The following GPHN variants were observed in gnomAD, a reference collection of about 807,000 sequenced individuals.
The protein encoded by GPHN is gephyrin.
In GPHN, 17 loss-of-function variants were observed where a neutral mutation model predicts 95.5. That is an observed-to-expected ratio of 0.18 (90% CI 0.12 to 0.27). The LOEUF (loss-of-function observed/expected upper bound fraction) is 0.27. Ranked by LOEUF, GPHN falls within the 10% of genes least tolerant of loss-of-function variation. The probability of loss-of-function intolerance (pLI) is 1.00; values close to 1 mark genes in which losing one functional copy is unlikely to be tolerated. For missense variants in GPHN, 660 were observed against 978.1 expected (o/e 0.67, Z 4.34); for synonymous variants, 320 against 322.5 (o/e 0.99, Z 0.08).
chr14:67,118,618 C>G (rs2078828662), intron 16 of GPHN, among the ~76,000 whole-genome samples: 1 of 151,960 alleles, frequency 6.6e-6, no homozygotes, highest in Admixed American at 6.6e-5. Context: ...ATCCCAGCTA[C>G]TCGGGAGGCT....
the GPHN span, chr14:67,448,040 T>C: frequency 4.0e-5 from 6 of 151,176 alleles, no homozygotes; most frequent in Admixed American, 4.0e-4. Context: ...CCATCAAATT[T>C]TGCATGAGAA....
intron 8 of GPHN, among the ~76,000 whole-genome samples, chr14:66,955,060 G>A (rs2068394048): frequency 6.6e-6 from 1 of 152,122 alleles, no homozygotes; most frequent in African/African-American, 2.4e-5. Context: ...AAGGATATTA[G>A]CCTGTAGTTT....
chr14:67,046,362 G>A (rs2075016738), intron 10 of GPHN, among the ~76,000 whole-genome samples: 1 of 152,066 alleles, frequency 6.6e-6, no homozygotes, highest in Non-Finnish European at 1.5e-5. Context: ...ACTCTAGGCA[G>A]AAACAGCATC....
At chr14:67,726,043 C>T in the GPHN span, 22 of 1,596,444 alleles carry the variant, frequency 1.4e-5, no homozygotes, top group South Asian at 1.9e-4. Context: ...TTTGGTTGTG[C>T]CCTATAGAGG....
chr14:67,044,355 A>C (rs190268971), intron 10 of GPHN, among the ~76,000 whole-genome samples: 1 of 152,236 alleles, frequency 6.6e-6, no homozygotes, highest in East Asian at 1.9e-4. Flanking sequence ...AACAAAAAAT[A>C]AACAATAATA....
chr14:67,194,782 C>G, the GPHN span, among the ~76,000 whole-genome samples: 3 of 152,174 alleles, frequency 2.0e-5, no homozygotes, highest in Non-Finnish European at 4.4e-5. Flanking sequence ...CTCAGTCTCT[C>G]GAGTAGCTGG....
the GPHN span, chr14:67,411,936 G>A: frequency 1.6e-6 from 2 of 1,289,342 alleles, no homozygotes; most frequent in East Asian, 5.9e-5. Flanking sequence ...CCCGTTCCGG[G>A]GCGCGCGTCT....
intron 11 of GPHN, among the ~76,000 whole-genome samples, chr14:67,083,038 G>C (rs2076751713): frequency 6.6e-6 from 1 of 152,176 alleles, no homozygotes; most frequent in South Asian, 2.1e-4. Context: ...TAAAAGTAAA[G>C]ACTGTTCTGG....
chr14:66,691,643 A>G (rs1305762023), intron 2 of GPHN, among the ~76,000 whole-genome samples: 1 of 152,228 alleles, frequency 6.6e-6, no homozygotes, highest in Non-Finnish European at 1.5e-5. Flanking sequence ...AGCAGAGATG[A>G]TAAGTTGTAA....
intron 5 of GPHN, among the ~76,000 whole-genome samples, chr14:66,908,806 A>G (rs1199961286): frequency 1.3e-5 from 2 of 151,912 alleles, no homozygotes; most frequent in African/African-American, 4.8e-5. Flanking sequence ...TAATCTTATC[A>G]TCAGAAAATA....
the GPHN span, chr14:67,294,471 G>T: frequency 6.6e-6 from 1 of 151,546 alleles, no homozygotes; most frequent in African/African-American, 2.4e-5. Flanking sequence ...GGCCTAGTGA[G>T]GTTAAGTTAA....
chr14:67,042,286 G>A (rs2074750208), intron 10 of GPHN, among the ~76,000 whole-genome samples: 1 of 152,070 alleles, frequency 6.6e-6, no homozygotes, highest in African/African-American at 2.4e-5. Context: ...TGGTGTTTTA[G>A]ACATGAAGTC....
chr14:67,240,302 C>T, the GPHN span, among the ~76,000 whole-genome samples: 5 of 152,106 alleles, frequency 3.3e-5, no homozygotes, highest in African/African-American at 1.2e-4. Flanking sequence ...ATAGGCTGTC[C>T]AGAGGAGCGT....
chr14:66,640,724 TC>T (rs1009272361), intron 1 of GPHN, among the ~76,000 whole-genome samples: 4 of 152,168 alleles, frequency 2.6e-5, no homozygotes, highest in African/African-American at 9.7e-5. Flanking sequence ...GTTGAGGCTT[TC>T]CTTCCAAGTA....
the GPHN span, among the ~76,000 whole-genome samples, chr14:67,430,636 C>T: frequency 5.3e-5 from 8 of 151,778 alleles, no homozygotes; most frequent in Non-Finnish European, 7.4e-5. Context: ...CAGGTGGCAA[C>T]GGGGCCTGTG....
chr14:67,167,034 C>A (rs2082320353), intron 20 of GPHN, among the ~76,000 whole-genome samples: 1 of 152,166 alleles, frequency 6.6e-6, no homozygotes, highest in Non-Finnish European at 1.5e-5. Context: ...TTAAAGCCAT[C>A]CCTAATCTCG....
At chr14:66,531,641 A>G (rs772837330) in intron 1 of GPHN, among the ~76,000 whole-genome samples, 9 of 152,192 alleles carry the variant, frequency 5.9e-5, no homozygotes, top group Non-Finnish European at 1.0e-4. Flanking sequence ...TCTATGAGTG[A>G]TATATTGGTC....
chr14:67,214,335 T>C, the GPHN span, among the ~76,000 whole-genome samples: 2 of 152,214 alleles, frequency 1.3e-5, no homozygotes, highest in African/African-American at 2.4e-5. Context: ...CTTGAATTAA[T>C]TTTTGTATAA....
the GPHN span, among the ~76,000 whole-genome samples, chr14:67,425,171 A>G: frequency 6.6e-6 from 1 of 152,064 alleles, no homozygotes; most frequent in African/African-American, 2.4e-5. Flanking sequence ...TACAGCCTCA[A>G]ACTCTGGGCT....
Sources: allele counts gnomAD v4.1 joint callset (sites outside exome capture counted in the v4.1 genomes callset), GRCh38; gene constraint gnomAD v4.1.1; transcripts MANE v1.5; gene names NCBI Gene and HGNC (gene_info 2026-07-23, HGNC 2026-07-21).